QSOX1: variants seen among roughly 807,000 people sequenced by gnomAD.
QSOX1 encodes sulfhydryl oxidase 1.
Under a neutral mutation model 76.1 loss-of-function variants are expected in QSOX1, and 40 were observed. The ratio of observed to expected loss-of-function variants is 0.53; its 90% confidence interval spans 0.41 to 0.68. QSOX1 has a LOEUF of 0.68. QSOX1 is among the 30% of genes least tolerant of loss of function. The pLI is 0.00. For missense variants in QSOX1, 931 were observed against 974.3 expected, an observed-to-expected ratio of 0.96 and a Z score of 0.59; for synonymous variants, 392 against 413.1, an observed-to-expected ratio of 0.95 and a Z score of 0.62.
In QSOX1 at chr1:180,203,123, A is replaced by C. The variant is rs1427175901; in HGVS notation, c.*6086A>C. On this transcript the variant is annotated 3_prime_UTR_variant, in exon 12 of 12. Transcript: ENST00000367602. ...AATAAAGTAAAGCTACATATTTAAAAGCTGGGGAAATATATGCTGTAAATA... is the reference window on the plus strand; with the variant it reads ...AATAAAGTAAAGCTACATATTTAAACGCTGGGGAAATATATGCTGTAAATA... 2.0e-5 allele frequency: 3 copies of C among 152,146 alleles called. No homozygotes were observed. Among genetic ancestry groups the C allele is most frequent in the Non-Finnish European group, 4.4e-5 (3 of 68,024 alleles). The allele number at this position is 152,146 out of a possible 1,614,324, so 9.4% of individuals were successfully genotyped here.
At chr1:180,164,374 C>T (rs1006948356) in intron 1 of QSOX1, among the ~76,000 whole-genome samples, 1 of 152,184 alleles carries the variant, frequency 6.6e-6, no homozygotes, top group African/African-American at 2.4e-5. Context: ...ATACTTTTGA[C>T]GTCTGACTCT....
In QSOX1 at chr1:180,202,324, C is replaced by T. The variant is rs1663652720; in HGVS notation, c.*5287C>T. 6.6e-6 allele frequency: 1 copy of T among 152,300 alleles called. No individual in the cohort carries two copies. Among genetic ancestry groups the T allele is most frequent in the South Asian group, 2.1e-4 (1 of 4,838 alleles). 9.4% of individuals were successfully genotyped at this position (152,300 alleles called of 1,614,324 possible). ...AGCTCTTTTCCTGGGGCTGCATGTT[C>T]TTCCATAGGAAAGTGGGCTTCAGGT... On this transcript the variant is annotated 3_prime_UTR_variant, in exon 12 of 12. Coordinates refer to ENST00000367602, the MANE Select transcript of QSOX1 (RefSeq NM_002826.5).
chr1:180,193,381 GGAGA>G (rs149829198), intron 10 of QSOX1, among the ~76,000 whole-genome samples: 3 of 151,496 alleles, frequency 2.0e-5, no homozygotes, highest in African/African-American at 7.3e-5. Context: ...AGAAGGCAGA[GGAGA>G]GAGAGAGAGG....
chr1:180,169,627 C>T (rs888510865), intron 2 of QSOX1, among the ~76,000 whole-genome samples: 1 of 152,262 alleles, frequency 6.6e-6, no homozygotes, highest in African/African-American at 2.4e-5. Flanking sequence ...AGTTAGTTTG[C>T]TTCCTTCCCG....
chr1:180,186,977 C>G (rs921343853), intron 8 of QSOX1, among the ~76,000 whole-genome samples: 3 of 152,252 alleles, frequency 2.0e-5, no homozygotes, highest in Non-Finnish European at 2.9e-5. Flanking sequence ...CTGCTCAGTA[C>G]TGCTGAGTCA....
At chr1:180,189,381 G>T (rs1663250703) in intron 8 of QSOX1, among the ~76,000 whole-genome samples, 171 bp from the exon 9 acceptor site, 1 of 152,154 alleles carries the variant, frequency 6.6e-6, no homozygotes, top group African/African-American at 2.4e-5. Flanking sequence ...TCATATTTGT[G>T]TCTTAGTTAG....
chr1:180,166,163 G>A (rs766632846), intron 1 of QSOX1, among the ~76,000 whole-genome samples: 1 of 152,134 alleles, frequency 6.6e-6, no homozygotes, highest in Non-Finnish European at 1.5e-5. Flanking sequence ...GGGCTGGGGG[G>A]ATGGCGAGGA....
intron 8 of QSOX1, among the ~76,000 whole-genome samples, chr1:180,186,954 A>G (rs1009049225): frequency 3.3e-5 from 5 of 151,652 alleles, no homozygotes; most frequent in Non-Finnish European, 7.4e-5. Context: ...CCTGCTGGAA[A>G]CCCTGGACTC....
intron 2 of QSOX1, among the ~76,000 whole-genome samples, chr1:180,170,619 T>C (rs536495190): frequency 4.9e-4 from 75 of 152,342 alleles, no homozygotes; most frequent in African/African-American, 1.7e-3. Context: ...GGCTGGGTGC[T>C]GACTGCTCCT....
chr1:180,195,956 A>T (rs3767165), intron 11 of QSOX1, among the ~76,000 whole-genome samples: 29 of 152,132 alleles, frequency 1.9e-4, no homozygotes, highest in South Asian at 1.2e-3. Context: ...TCCACATAGC[A>T]GGACAGTGGG....
In QSOX1 at chr1:180,198,509, T is replaced by C. The variant is rs7544147; in HGVS notation, c.*1472T>C. The C allele has an allele frequency of 0.098, 40,529 of 415,492 alleles. 3,359 individuals carry two copies. Among genetic ancestry groups the C allele is most frequent in the East Asian group, 0.47 (6,464 of 13,696 alleles). 25.7% of individuals were successfully genotyped at this position (415,492 alleles called of 1,614,324 possible). A position where few individuals can be genotyped will look rare whatever the true frequency, so the allele number is the denominator to read the frequency against. On this transcript the variant is annotated 3_prime_UTR_variant, in exon 12 of 12. Coordinates refer to ENST00000367602, the MANE Select transcript of QSOX1 (RefSeq NM_002826.5). The stretch of plus-strand genomic sequence containing the variant: ...AGCAGGAGCCTCAATCCGATTTGGT[T>C]TTCTCTTTGACATCTTCACTCTGCT...
At chr1:180,186,447 A>G (rs1663175430) in intron 8 of QSOX1, among the ~76,000 whole-genome samples, 1 of 152,182 alleles carries the variant, frequency 6.6e-6, no homozygotes, top group South Asian at 2.1e-4. Context: ...ACCTGGGGAT[A>G]TTTCCAGCTG....
rs974171785 is a variant in QSOX1 at position 180,202,194 on chromosome 1, G to C, written c.*5157G>C. On this transcript the variant is annotated 3_prime_UTR_variant, in exon 12 of 12. Coordinates refer to ENST00000367602, the MANE Select transcript of QSOX1 (RefSeq NM_002826.5). ...CTTACTTAGGTGAGGAGGACTCAGG[G>C]AACATCTACAGACTCTAGGGCTAGG... is the stretch of plus-strand genomic sequence containing the variant. 8 of 152,366 alleles carry C rather than the reference G, an allele frequency of 5.3e-5. No homozygotes were observed. Among genetic ancestry groups the C allele is most frequent in the African/African-American group, 1.9e-4 (8 of 41,454 alleles). 9.4% of individuals were successfully genotyped at this position (152,366 alleles called of 1,614,324 possible).
At chr1:180,182,361 G>A in intron 6 of QSOX1, 42 bp downstream of exon 6, 1 of 1,609,374 alleles carries the variant, frequency 6.2e-7, no homozygotes. Flanking sequence ...GTCCCTCCCT[G>A]TGCTCATCCT....
At chr1:180,192,484 T>C (rs10753207) in intron 10 of QSOX1, among the ~76,000 whole-genome samples, 150,952 of 152,280 alleles carry the variant, frequency 0.99, 74,834 homozygotes, top group Non-Finnish European at 1. Context: ...CAGTGGTGGT[T>C]GGGCCTGGAC....
intron 8 of QSOX1, among the ~76,000 whole-genome samples, chr1:180,187,251 G>A (rs79511206): frequency 6.6e-5 from 10 of 152,324 alleles, no homozygotes; most frequent in East Asian, 3.9e-4. Flanking sequence ...CAGGACAGTC[G>A]TTGGCCCCTC....
chr1:180,193,250 A>G (rs1461560299), intron 10 of QSOX1, among the ~76,000 whole-genome samples: 3 of 152,066 alleles, frequency 2.0e-5, no homozygotes, highest in East Asian at 1.9e-4. Context: ...GAAATCCTGG[A>G]GGTGAGGAGT....
rs752910472 is a variant in QSOX1, at chr1:180,183,957, G to A, written c.794G>A (p.Arg265Lys). ...SRSFYTAYLQ[R>K]LSGLTREAAQ... ...TCCTTCTATACCGCTTACCTGCAGA[G>A]ACTCTCTGGGCTCACCAGGGAGGCT... The change falls in exon 7 of 12, where the codon AGA becomes AAA. Residue 265 changes from arginine to lysine, a missense_variant. Transcript: ENST00000367602. 4 of 1,613,802 alleles carry A rather than the reference G, an allele frequency of 2.5e-6. No homozygotes were observed. In the South Asian group the frequency reaches 4.4e-5, roughly 18 times the overall value.
In QSOX1 at chr1:180,198,155, C is replaced by T. The variant is rs781315239; in HGVS notation, c.*1118C>T. The stretch of plus-strand genomic sequence containing the variant: ...CGATGTCCCTCAGCACACACAGCTC[C>T]TGGCCACAGACTGCCCATAGAACTG... On this transcript the variant is annotated 3_prime_UTR_variant, in exon 12 of 12. Coordinates refer to ENST00000367602, the MANE Select transcript of QSOX1 (RefSeq NM_002826.5). The T allele has an allele frequency of 2.2e-6, 1 of 456,614 alleles. No homozygotes were observed. Among genetic ancestry groups the T allele is most frequent in the South Asian group, 1.5e-5 (1 of 64,566 alleles). 28.3% of individuals were successfully genotyped at this position (456,614 alleles called of 1,614,324 possible). A position where few individuals can be genotyped will look rare whatever the true frequency, so the allele number is the denominator to read the frequency against.
Sources: gnomAD v4.1 joint callset for allele counts (sites outside exome capture counted in the v4.1 genomes callset) on GRCh38, gnomAD v4.1.1 for gene constraint, MANE v1.5 for transcripts, NCBI Gene and HGNC (gene_info 2026-07-23, HGNC 2026-07-21) for gene names.